CAMTA1: variants seen among roughly 807,000 people sequenced by gnomAD.
CAMTA1 encodes calmodulin-binding transcription activator 1.
In CAMTA1, 27 loss-of-function variants were observed where a neutral mutation model predicts 170.9. The ratio of observed to expected loss-of-function variants is 0.16; its 90% CI spans 0.12 to 0.22. The LOEUF (loss-of-function observed/expected upper bound fraction) is 0.22, where lower values mean the gene tolerates loss of function less well. Ranked by LOEUF, CAMTA1 falls within the 10% of genes least tolerant of loss-of-function variation. The pLI, the probability that CAMTA1 is intolerant of heterozygous loss-of-function variation, is 1.00. For missense variants in CAMTA1, 1,619 were observed against 2,217.2 expected, an observed-to-expected ratio of 0.73 and a Z score of 5.42; for synonymous variants, 833 against 891.5, an observed-to-expected ratio of 0.93 and a Z score of 1.17.
chr1:7,040,879 C>T (rs1203335592), intron 3 of CAMTA1, among the ~76,000 whole-genome samples: 3 of 152,104 alleles, frequency 2.0e-5, no homozygotes, highest in Non-Finnish European at 1.5e-5. Context: ...ATGTGCACCA[C>T]CATACCCAGC....
intron 3 of CAMTA1, among the ~76,000 whole-genome samples, chr1:7,045,056 T>C (rs1705153994): frequency 6.6e-6 from 1 of 152,126 alleles, no homozygotes; most frequent in African/African-American, 2.4e-5. Flanking sequence ...ACCTGAACAC[T>C]GCGCAAATGA....
chr1:7,085,749 G>A (rs553760135), intron 3 of CAMTA1, among the ~76,000 whole-genome samples: 44 of 152,368 alleles, frequency 2.9e-4, no homozygotes, highest in African/African-American at 9.4e-4. Context: ...AGCCTCTGCC[G>A]TGACCCTCCA....
chr1:6,975,047 A>G (rs1557910929), intron 3 of CAMTA1, among the ~76,000 whole-genome samples: 2 of 152,146 alleles, frequency 1.3e-5, no homozygotes, highest in Non-Finnish European at 2.9e-5. Flanking sequence ...CCTGCCACCC[A>G]TGGTCCTTCT....
chr1:7,750,901 A>G (rs987250761), intron 19 of CAMTA1: 2 of 441,028 alleles, frequency 4.5e-6, no homozygotes, highest in Non-Finnish European at 4.3e-6. Context: ...CTGTTTTTAG[A>G]TTCATAAACG....
At chr1:7,436,115 T>C (rs1375630493) in intron 5 of CAMTA1, among the ~76,000 whole-genome samples, 2 of 152,098 alleles carry the variant, frequency 1.3e-5, no homozygotes, top group African/African-American at 4.8e-5. Flanking sequence ...TGAATATTGA[T>C]TGGAAAAAAT....
rs116675299 is a variant in CAMTA1 at position 7,669,661 on chromosome 1, C to T, written c.2653-1250C>T. Among the ~76,000 whole-genome samples, 1,063 of 152,346 alleles carry T rather than the reference C, an allele frequency of 7.0e-3. 12 individuals carry two copies. The highest frequency in any genetic ancestry group is 0.024 in the African/African-American group (1,014 of 41,586). On this transcript the variant is annotated intron_variant, in intron 9 of 22. Transcript: ENST00000303635. ...AGCCTGGACACTAGGTGGTGCTCTCCGCCCTGACCTAGCAGCTCTCCGCCC... is the reference window on the plus strand; with the variant it reads ...AGCCTGGACACTAGGTGGTGCTCTCTGCCCTGACCTAGCAGCTCTCCGCCC...
intron 6 of CAMTA1, among the ~76,000 whole-genome samples, chr1:7,505,543 G>A (rs571913814): frequency 4.7e-4 from 71 of 152,280 alleles, no homozygotes; most frequent in Non-Finnish European, 8.4e-4. Flanking sequence ...AGGGGACCTG[G>A]ACTTCAGATG....
chr1:7,476,579 G>A (rs72642875), intron 6 of CAMTA1, among the ~76,000 whole-genome samples: 5,036 of 152,236 alleles, frequency 0.033, 129 homozygotes, highest in South Asian at 0.11. Flanking sequence ...CACCTCACCC[G>A]GCACAGGGCT....
chr1:7,530,585 G>A (rs959796256), intron 6 of CAMTA1, among the ~76,000 whole-genome samples: 3 of 152,090 alleles, frequency 2.0e-5, no homozygotes, highest in East Asian at 1.9e-4. Context: ...GAAGCTGCCC[G>A]AGGCTGCACA....
intron 5 of CAMTA1, among the ~76,000 whole-genome samples, chr1:7,279,059 G>A (rs1671138331): frequency 6.6e-6 from 1 of 152,180 alleles, no homozygotes; most frequent in Non-Finnish European, 1.5e-5. Context: ...CTGAGGAAGT[G>A]TGTGCTGGAG....
At chr1:6,846,222 T>A (rs1380626815) in intron 3 of CAMTA1, among the ~76,000 whole-genome samples, 1 of 152,256 alleles carries the variant, frequency 6.6e-6, no homozygotes, top group Non-Finnish European at 1.5e-5. Context: ...GTTTTAAAAT[T>A]TGAACTAGGA....
chr1:7,610,627 G>T (rs868180354), intron 6 of CAMTA1, among the ~76,000 whole-genome samples: 1 of 152,190 alleles, frequency 6.6e-6, no homozygotes, highest in Non-Finnish European at 1.5e-5. Context: ...TTGCAGGGGG[G>T]TGCCCATCCA....
chr1:7,350,810 G>T (rs574402943), intron 5 of CAMTA1, among the ~76,000 whole-genome samples: 65 of 152,238 alleles, frequency 4.3e-4, no homozygotes, highest in Non-Finnish European at 8.4e-4. Flanking sequence ...GTACAAAAGA[G>T]AGCACTTCTT....
intron 3 of CAMTA1, among the ~76,000 whole-genome samples, chr1:6,997,211 T>C (rs1697398692): frequency 6.6e-6 from 1 of 152,232 alleles, no homozygotes; most frequent in Non-Finnish European, 1.5e-5. Context: ...GAATTTTCCG[T>C]GTATTTATTA....
Position 7,175,545 on chromosome 1 carries a change from C to T in CAMTA1, c.303-73946C>T, listed in dbSNP as rs192855239. On this transcript the variant is annotated intron_variant, in intron 4 of 22. Transcript: ENST00000303635. The stretch of plus-strand genomic sequence containing the variant: ...TTAAGCCATAAGCAGAATTAAAGTG[C>T]GGAATCCCAGCCTTTCCAAATAGTG... Among the ~76,000 whole-genome samples, 532 of 152,362 alleles carry T rather than the reference C, an allele frequency of 3.5e-3. 5 individuals carry two copies. The highest frequency in any genetic ancestry group is 2.7e-3 in the Admixed American group (42 of 15,306).
intron 3 of CAMTA1, among the ~76,000 whole-genome samples, chr1:6,870,000 T>G (rs1667919765): frequency 6.6e-6 from 1 of 152,200 alleles, no homozygotes; most frequent in African/African-American, 2.4e-5. Flanking sequence ...AAGAAGAGAT[T>G]GTTATTTAAT....
chr1:7,385,631 GA>G (rs1051805601), intron 5 of CAMTA1, among the ~76,000 whole-genome samples: 5 of 152,106 alleles, frequency 3.3e-5, no homozygotes, highest in Admixed American at 3.3e-4. Context: ...CAAACACCAG[GA>G]AAAAATGAGG....
intron 3 of CAMTA1, among the ~76,000 whole-genome samples, chr1:7,020,429 G>A (rs1701176217): frequency 6.6e-6 from 1 of 152,208 alleles, no homozygotes; most frequent in Non-Finnish European, 1.5e-5. Context: ...GAGGGTAGGA[G>A]GCTATCCCCT....
At chr1:7,485,966 C>T (rs1024135840) in intron 6 of CAMTA1, among the ~76,000 whole-genome samples, 2 of 152,230 alleles carry the variant, frequency 1.3e-5, no homozygotes, top group African/African-American at 2.4e-5. Flanking sequence ...AGAGAGTGCA[C>T]GCTCACAACA....
Sources: allele counts gnomAD v4.1 joint callset (sites outside exome capture counted in the v4.1 genomes callset), GRCh38; gene constraint gnomAD v4.1.1; transcripts MANE v1.5; gene names NCBI Gene and HGNC (gene_info 2026-07-23, HGNC 2026-07-21).